POC1B: variants seen among roughly 807,000 people sequenced by gnomAD.
POC1B encodes POC1 centriolar protein B.
POC1B carries 44 observed loss-of-function variants against 60.6 expected under a neutral mutation model. The ratio of observed to expected loss-of-function variants is 0.73; its 90% CI spans 0.57 to 0.93. The LOEUF (loss-of-function observed/expected upper bound fraction) is 0.93. Among genes scored for constraint, POC1B ranks in the 40% least tolerant of loss-of-function variants. POC1B has a pLI of 0.00. For missense variants in POC1B, 555 were observed against 572.3 expected, an observed-to-expected ratio of 0.97 and a Z score of 0.31; for synonymous variants, 180 against 198.9, an observed-to-expected ratio of 0.90 and a Z score of 0.80.
chr12:89,402,126 CTT>C, the POC1B span, among the ~76,000 whole-genome samples: 9 of 152,248 alleles, frequency 5.9e-5, no homozygotes, highest in East Asian at 9.7e-4. Flanking sequence ...TGTTATCTCT[CTT>C]CTTCCTTCTC....
downstream of POC1B, among the ~76,000 whole-genome samples, chr12:89,419,236 C>T (rs550590464): frequency 1.1e-4 from 17 of 151,684 alleles, no homozygotes; most frequent in African/African-American, 2.7e-4. Context: ...CAAGTGGAGA[C>T]GCTGATCAGG....
intron 4 of POC1B, among the ~76,000 whole-genome samples, chr12:89,472,891 C>T (rs1882957772): frequency 1.3e-5 from 2 of 152,110 alleles, no homozygotes; most frequent in South Asian, 2.1e-4. Context: ...CTATCATCCA[C>T]ACGCCCCATT....
chr12:89,469,366 A>G (rs1372221169), intron 7 of POC1B, among the ~76,000 whole-genome samples: 1 of 152,244 alleles, frequency 6.6e-6, no homozygotes, highest in Non-Finnish European at 1.5e-5. Flanking sequence ...TTCTAAACCA[A>G]TTGAGAAATA....
At chr12:89,464,015 G>A (rs1248843156) in intron 9 of POC1B, among the ~76,000 whole-genome samples, 2 of 152,120 alleles carry the variant, frequency 1.3e-5, no homozygotes. Flanking sequence ...TCATAAAAAT[G>A]TTATCTCGTT....
At chr12:89,473,252 T>C (rs1592610610) in intron 4 of POC1B, among the ~76,000 whole-genome samples, 1 of 152,344 alleles carries the variant, frequency 6.6e-6, no homozygotes, top group East Asian at 1.9e-4. Flanking sequence ...TTCTTTTTGT[T>C]CTCTCCCTAC....
chr12:89,423,492 A>C (rs1272524032), intron 11 of POC1B, among the ~76,000 whole-genome samples: 1 of 152,132 alleles, frequency 6.6e-6, no homozygotes, highest in Non-Finnish European at 1.5e-5. Context: ...TTATTTATAC[A>C]TTTATTATTA....
intron 2 of POC1B, chr12:89,524,889 C>G: frequency 1.4e-6 from 1 of 693,284 alleles, no homozygotes; most frequent in Non-Finnish European, 2.4e-6. Flanking sequence ...AGTCGTCCGC[C>G]AGGCCCAGAC....
chr12:89,415,642 C>CAAA (rs35705271), downstream of POC1B, among the ~76,000 whole-genome samples: 36 of 124,280 alleles, frequency 2.9e-4, no homozygotes, highest in South Asian at 3.0e-3. Context: ...GACTCCGTCT[C>CAAA]AAAAAAAAAA....
chr12:89,444,342 T>C (rs943438297), intron 10 of POC1B, among the ~76,000 whole-genome samples: 1 of 152,194 alleles, frequency 6.6e-6, no homozygotes, highest in African/African-American at 2.4e-5. Flanking sequence ...TGAACAGCGA[T>C]GCAAAAATCC....
chr12:89,501,218 C>T (rs1425475960), intron 2 of POC1B: 5 of 1,399,288 alleles, frequency 3.6e-6, no homozygotes, highest in Non-Finnish European at 3.0e-6. Context: ...CTAGTAGAGA[C>T]ATCTCAGCCC....
At position 89,488,748 on chromosome 12, in the gene POC1B, A is replaced by G. The variant is rs947955554; in HGVS notation, c.452+3188T>C. Among the ~76,000 whole-genome samples the G allele has an allele frequency of 7.2e-5, 11 of 152,100 alleles. 1 individual carries two copies. The East Asian group carries it at 2.1e-3, about 29-fold the overall frequency. ...GTGATCTGCCAGCTTCGGCCTCCCAAAGTGCTGGGATTACGGGCATGAGTC... is the reference window on the plus strand; with the variant it reads ...GTGATCTGCCAGCTTCGGCCTCCCAGAGTGCTGGGATTACGGGCATGAGTC... On this transcript the variant is annotated intron_variant, in intron 4 of 11. Coordinates refer to ENST00000313546, the MANE Select transcript of POC1B (RefSeq NM_172240.3).
chr12:89,494,739 T>C (rs557904388), intron 3 of POC1B, among the ~76,000 whole-genome samples: 3 of 152,288 alleles, frequency 2.0e-5, no homozygotes, highest in Admixed American at 6.5e-5. Context: ...CCAGCTGTCA[T>C]GCTGTGAGAA....
chr12:89,483,119 T>C (rs920420134), intron 4 of POC1B, among the ~76,000 whole-genome samples: 6 of 152,138 alleles, frequency 3.9e-5, no homozygotes, highest in African/African-American at 1.4e-4. Context: ...TTTCTCCATG[T>C]TGGTCAGGCT....
intron 6 of POC1B, 44 bp downstream of exon 6, chr12:89,471,570 G>A: frequency 7.0e-7 from 1 of 1,436,538 alleles, no homozygotes; most frequent in Admixed American, 1.7e-5. Flanking sequence ...CCTTCCAAAA[G>A]GAGTCCATTC....
intron 2 of POC1B, among the ~76,000 whole-genome samples, chr12:89,512,515 T>G (rs1870237164): frequency 1.3e-5 from 2 of 152,126 alleles, no homozygotes; most frequent in Non-Finnish European, 2.9e-5. Context: ...TCCCAGTGCT[T>G]CGAGAGGCCA....
At chr12:89,520,550 C>G (rs1220596962) in intron 2 of POC1B, 1 of 152,058 alleles carries the variant, frequency 6.6e-6, no homozygotes, top group African/African-American at 2.4e-5. Flanking sequence ...GCATGCTGCA[C>G]GTGGAATCTG....
chr12:89,500,936 CA>C, intron 2 of POC1B: 1 of 921,572 alleles, frequency 1.1e-6, no homozygotes. Context: ...AATCCAGTCC[CA>C]TTGTTAGGCA....
intron 10 of POC1B, among the ~76,000 whole-genome samples, chr12:89,438,707 G>A (rs1201326980): frequency 6.6e-6 from 1 of 152,132 alleles, no homozygotes; most frequent in African/African-American, 2.4e-5. Context: ...AAATTCCTCA[G>A]GGAATAGTCC....
At chr12:89,451,070 T>C (rs1882023409) in intron 10 of POC1B, among the ~76,000 whole-genome samples, 1 of 144,742 alleles carries the variant, frequency 6.9e-6, no homozygotes. Context: ...AGAGTTCCCT[T>C]GCTGAGAGCT....
Sources: allele counts gnomAD v4.1 joint callset (sites outside exome capture counted in the v4.1 genomes callset), GRCh38; gene constraint gnomAD v4.1.1; transcripts MANE v1.5; gene names NCBI Gene and HGNC (gene_info 2026-07-23, HGNC 2026-07-21).